Variants in RYR2 observed in about 807,000 individuals in gnomAD.
RYR2 encodes ryanodine receptor 2, also known as cardiac muscle ryanodine receptor-calcium release channel.
In RYR2, 227 loss-of-function variants were observed where a neutral mutation model predicts 601.1. That is an observed-to-expected ratio of 0.38 (90% CI 0.34 to 0.42). RYR2 has a LOEUF of 0.42. Ranked by LOEUF, RYR2 falls within the 10% of genes least tolerant of loss-of-function variation. The probability of loss-of-function intolerance (pLI) is 1.00; values close to 1 mark genes in which losing one functional copy is unlikely to be tolerated. For missense variants in RYR2, 4,646 were observed against 6,156.5 expected, an observed-to-expected ratio of 0.75 and a Z score of 8.21; for synonymous variants, 2,223 against 2,175.1, an observed-to-expected ratio of 1.02 and a Z score of -0.61.
intron 87 of RYR2, among the ~76,000 whole-genome samples, chr1:237,775,256 T>C (rs537651472): frequency 4.6e-5 from 7 of 152,320 alleles, no homozygotes; most frequent in African/African-American, 1.4e-4. Context: ...CTTTCCCCAA[T>C]GCTGACATTT....
intron 65 of RYR2, 141 bp from the exon 66 acceptor site, chr1:237,701,837 T>G: frequency 1.8e-6 from 1 of 548,082 alleles, no homozygotes; most frequent in Non-Finnish European, 3.3e-6. Flanking sequence ...TCCATCCATG[T>G]TGCTGCAAAA....
chr1:237,533,290 G>A (rs1668303232), intron 25 of RYR2, among the ~76,000 whole-genome samples: 1 of 152,094 alleles, frequency 6.6e-6, no homozygotes, highest in African/African-American at 2.4e-5. Flanking sequence ...TGATATGTAT[G>A]CAGATCAGCG....
In RYR2 at chr1:237,154,066, A is replaced by G. The variant is rs190400858; in HGVS notation, c.48+111497A>G. On this transcript the variant is annotated intron_variant, in intron 1 of 104. Transcript: ENST00000366574. ...GTAGGAATAAAAACTGCAACTTGCA[A>G]GAGGGGCTCTGGGCTGCATTGCAGT... Among the ~76,000 whole-genome samples the G allele has an allele frequency of 6.6e-5, 10 of 152,320 alleles. No homozygotes were observed. The East Asian group carries it at 1.9e-3, about 29-fold the overall frequency.
chr1:237,548,294 G>C, intron 25 of RYR2, 137 bp from the exon 26 acceptor site: 1 of 763,500 alleles, frequency 1.3e-6, no homozygotes, highest in Non-Finnish European at 2.1e-6. Context: ...ACCTAGGCTT[G>C]CTGTCTGGTA....
rs574669336 is a variant in RYR2 at position 237,230,649 on chromosome 1, C to T, written c.49-39848C>T. Among the ~76,000 whole-genome samples, 9 of 152,182 alleles carry T rather than the reference C, an allele frequency of 5.9e-5. No homozygotes were observed. The South Asian group carries it at 6.2e-4, about 11-fold the overall frequency. ...AAATGATACTCCTGGCTGGGTATTGCGGCTCACGCCTGTAATCCTAGCACT... is the reference window on the plus strand; with the variant it reads ...AAATGATACTCCTGGCTGGGTATTGTGGCTCACGCCTGTAATCCTAGCACT... On this transcript the variant is annotated intron_variant, in intron 1 of 104. Coordinates refer to ENST00000366574, the MANE Select transcript of RYR2 (RefSeq NM_001035.3).
chr1:237,603,553 A>T (rs1676754100), intron 35 of RYR2, among the ~76,000 whole-genome samples: 1 of 152,234 alleles, frequency 6.6e-6, no homozygotes, highest in Non-Finnish European at 1.5e-5. Flanking sequence ...CATCATAATG[A>T]CAGGATCAAA....
At chr1:237,286,533 C>A (rs796467119) in intron 2 of RYR2, among the ~76,000 whole-genome samples, 7 of 13,710 alleles carry the variant, frequency 5.1e-4, no homozygotes, top group African/African-American at 1.3e-3. Context: ...TCCATTTCTT[C>A]CAATGTGTAG....
chr1:237,272,488 G>C (rs1424529885), intron 2 of RYR2, among the ~76,000 whole-genome samples: 1 of 151,208 alleles, frequency 6.6e-6, no homozygotes, highest in Non-Finnish European at 1.5e-5. Flanking sequence ...TTCAATTTTT[G>C]TCTGGACATT....
chr1:237,059,777 G>A (rs183106822), intron 1 of RYR2, among the ~76,000 whole-genome samples: 3 of 152,184 alleles, frequency 2.0e-5, no homozygotes, highest in Non-Finnish European at 2.9e-5. Flanking sequence ...CATAAATATT[G>A]GATTGACCAC....
intron 29 of RYR2, among the ~76,000 whole-genome samples, chr1:237,584,503 C>T (rs1572973843): frequency 6.6e-6 from 1 of 151,938 alleles, no homozygotes; most frequent in South Asian, 2.1e-4. Flanking sequence ...AGCTATATTC[C>T]CAGTGTGTAG....
Position 237,374,805 on chromosome 1 carries a change from T to C in RYR2, c.463+10T>C, listed in dbSNP as rs193922627. 48 of 1,608,178 alleles carry C rather than the reference T, an allele frequency of 3.0e-5. No homozygotes were observed. Among genetic ancestry groups the C allele is most frequent in the Non-Finnish European group, 3.9e-5 (46 of 1,176,906 alleles). On this transcript the variant is annotated intron_variant, in intron 7 of 104. Transcript: ENST00000366574. ...CAAGAGGACACCACAGGTAAGCATCTTGTGCTGCGGGAAGCCAGGTTCAGA... is the reference window on the plus strand; with the variant it reads ...CAAGAGGACACCACAGGTAAGCATCCTGTGCTGCGGGAAGCCAGGTTCAGA...
At chr1:237,131,965 C>G (rs1235902105) in intron 1 of RYR2, among the ~76,000 whole-genome samples, 1 of 152,128 alleles carries the variant, frequency 6.6e-6, no homozygotes, top group East Asian at 1.9e-4. Flanking sequence ...CCCAAGCAAT[C>G]CTCCCACCTC....
intron 46 of RYR2, among the ~76,000 whole-genome samples, chr1:237,639,751 G>C (rs1185503216): frequency 6.6e-6 from 1 of 152,040 alleles, no homozygotes; most frequent in Non-Finnish European, 1.5e-5. Flanking sequence ...TCCAGTCATC[G>C]ACATAAGTAA....
chr1:237,734,359 C>T (rs1423166392), intron 79 of RYR2, among the ~76,000 whole-genome samples: 1 of 152,126 alleles, frequency 6.6e-6, no homozygotes, highest in Non-Finnish European at 1.5e-5. Context: ...TGTGAGAACT[C>T]ACTCACTATC....
intron 3 of RYR2, among the ~76,000 whole-genome samples, chr1:237,336,994 TCATCCCAGCAATTTGGGAGGCTGAGG>T (rs1697305541): frequency 6.6e-6 from 1 of 152,040 alleles, no homozygotes; most frequent in Non-Finnish European, 1.5e-5. Flanking sequence ...CTCACACCTG[TCATCCCAGCAATTTGGGAGGCTGAGG>T]CATGTGGATC....
At chr1:237,515,765 C>CCCT (rs1666418682) in intron 24 of RYR2, among the ~76,000 whole-genome samples, 1 of 80,916 alleles carries the variant, frequency 1.2e-5, no homozygotes. Context: ...TTCTCCTCCT[C>CCCT]CTTCCTCTTC....
At chr1:237,273,538 G>A (rs111973394) in intron 2 of RYR2, among the ~76,000 whole-genome samples, 1,508 of 128,764 alleles carry the variant, frequency 0.012, 27 homozygotes, top group African/African-American at 0.046. Context: ...AACTGAGATG[G>A]AATGATGGTT....
intron 10 of RYR2, among the ~76,000 whole-genome samples, chr1:237,416,233 A>G (rs1478137096): frequency 1.3e-5 from 2 of 152,184 alleles, no homozygotes; most frequent in African/African-American, 4.8e-5. Context: ...TAGACATGGT[A>G]TTACTGCTGT....
rs149919962 is a variant in RYR2, at chr1:237,058,161, T to C, written c.48+15592T>C. On this transcript the variant is annotated intron_variant, in intron 1 of 104. Transcript: ENST00000366574. ...AGAAGGTAGGGCTTATATAGGTAATTATGTATACTATTAAGCAAATAGTCA... is the reference window on the plus strand; with the variant it reads ...AGAAGGTAGGGCTTATATAGGTAATCATGTATACTATTAAGCAAATAGTCA... Among the ~76,000 whole-genome samples, 52 of 152,252 alleles carry C rather than the reference T, an allele frequency of 3.4e-4. 3 individuals carry two copies. In the East Asian group the frequency reaches 9.9e-3, roughly 29 times the overall value.
Sources: allele counts gnomAD v4.1 joint callset (sites outside exome capture counted in the v4.1 genomes callset), GRCh38; gene constraint gnomAD v4.1.1; transcripts MANE v1.5; gene names NCBI Gene and HGNC (gene_info 2026-07-23, HGNC 2026-07-21).